The following SLC24A3 variants were observed in gnomAD, a reference collection of about 807,000 sequenced individuals.
SLC24A3 encodes sodium/potassium/calcium exchanger 3.
SLC24A3 carries 28 observed loss-of-function variants against 75.8 expected under a neutral mutation model. The ratio of observed to expected loss-of-function variants is 0.37; its 90% CI spans 0.27 to 0.51. SLC24A3 has a LOEUF of 0.51. Ranked by LOEUF, SLC24A3 falls within the 20% of genes least tolerant of loss-of-function variation. The pLI, the probability that SLC24A3 is intolerant of heterozygous loss-of-function variation, is 0.94. For missense variants in SLC24A3, 663 were observed against 847.8 expected (o/e 0.78, Z 2.71); for synonymous variants, 372 against 334.1 (o/e 1.11, Z -1.24).
intron 6 of SLC24A3, among the ~76,000 whole-genome samples, chr20:19,637,549 C>A (rs1260259975): frequency 6.6e-6 from 1 of 152,148 alleles, no homozygotes; most frequent in African/African-American, 2.4e-5. Context: ...ATGTTCCTAG[C>A]ACACTATTTG....
At chr20:19,308,752 G>T (rs999347594) in intron 2 of SLC24A3, among the ~76,000 whole-genome samples, 2 of 152,212 alleles carry the variant, frequency 1.3e-5, no homozygotes, top group Non-Finnish European at 2.9e-5. Flanking sequence ...TATGACTTAA[G>T]TACCTCATTT....
intron 2 of SLC24A3, among the ~76,000 whole-genome samples, chr20:19,510,237 G>A (rs1001373078): frequency 3.3e-5 from 5 of 152,104 alleles, no homozygotes; most frequent in African/African-American, 4.8e-5. Context: ...GGTGGAACAG[G>A]ATATGTAATA....
At chr20:19,235,929 C>T (rs1283717084) in intron 1 of SLC24A3, among the ~76,000 whole-genome samples, 1 of 152,216 alleles carries the variant, frequency 6.6e-6, no homozygotes, top group Non-Finnish European at 1.5e-5. Context: ...ATGCATTTAA[C>T]AGCATGAACG....
At chr20:19,386,996 T>G (rs1346354382) in intron 2 of SLC24A3, among the ~76,000 whole-genome samples, 1 of 152,166 alleles carries the variant, frequency 6.6e-6, no homozygotes, top group Non-Finnish European at 1.5e-5. Flanking sequence ...TATTGGGAAT[T>G]TTTTGATTAC....
chr20:19,667,095 T>C (rs879500756), intron 8 of SLC24A3, among the ~76,000 whole-genome samples: 3 of 152,188 alleles, frequency 2.0e-5, no homozygotes, highest in Non-Finnish European at 4.4e-5. Flanking sequence ...GCTAACTCTT[T>C]GTTGGTGTGG....
intron 6 of SLC24A3, among the ~76,000 whole-genome samples, chr20:19,592,305 T>C (rs2122645152): frequency 6.6e-6 from 1 of 152,340 alleles, no homozygotes; most frequent in Admixed American, 6.5e-5. Context: ...AGGGGTTTTG[T>C]CCTCTTCTTA....
intron 2 of SLC24A3, among the ~76,000 whole-genome samples, chr20:19,364,581 A>C (rs531087231): frequency 6.6e-6 from 1 of 152,230 alleles, no homozygotes; most frequent in South Asian, 2.1e-4. Flanking sequence ...CAGCCTCCCG[A>C]GTAGCTAGGA....
chr20:19,444,832 AT>A (rs906955668), intron 2 of SLC24A3, among the ~76,000 whole-genome samples: 7 of 146,838 alleles, frequency 4.8e-5, no homozygotes, highest in African/African-American at 1.5e-4. Context: ...TCTAATTTTT[AT>A]TTTTTTTCTT....
At chr20:19,276,922 CTT>C (rs1287144316) in intron 1 of SLC24A3, among the ~76,000 whole-genome samples, 1 of 152,036 alleles carries the variant, frequency 6.6e-6, no homozygotes, top group East Asian at 1.9e-4. Context: ...ATTGACCACT[CTT>C]ATATATGCCC....
At chr20:19,575,901 A>G (rs2031127924) in intron 3 of SLC24A3, among the ~76,000 whole-genome samples, 1 of 152,252 alleles carries the variant, frequency 6.6e-6, no homozygotes, top group Admixed American at 6.5e-5. Flanking sequence ...TCACTAGTAG[A>G]TGAGCTGAAC....
intron 1 of SLC24A3, chr20:19,243,814 G>C (rs971352322): frequency 6.6e-6 from 1 of 152,056 alleles, no homozygotes; most frequent in Non-Finnish European, 1.5e-5. Flanking sequence ...CAGGCACCAC[G>C]CTCCTCTCTC....
intron 2 of SLC24A3, among the ~76,000 whole-genome samples, chr20:19,503,029 A>G (rs1304463433): frequency 5.5e-5 from 4 of 73,072 alleles, no homozygotes; most frequent in East Asian, 5.0e-4. Context: ...CTTGTCTCAG[A>G]AAAAAAAAAA....
chr20:19,403,755 G>A (rs1282523796), intron 2 of SLC24A3, among the ~76,000 whole-genome samples: 1 of 152,160 alleles, frequency 6.6e-6, no homozygotes, highest in African/African-American at 2.4e-5. Flanking sequence ...ACTGGCCCTG[G>A]GGAAGGGAGG....
At chr20:19,580,123 C>G (rs948739810) in intron 4 of SLC24A3, 49 bp downstream of exon 4, 2 of 1,515,062 alleles carry the variant, frequency 1.3e-6, no homozygotes, top group Non-Finnish European at 1.8e-6. Context: ...GGGGACTGGA[C>G]CTGTGCCCTG....
At chr20:19,528,538 A>C (rs575448518) in intron 3 of SLC24A3, among the ~76,000 whole-genome samples, 5 of 152,162 alleles carry the variant, frequency 3.3e-5, no homozygotes, top group Non-Finnish European at 7.3e-5. Context: ...CGTGGCCCTC[A>C]CTATTGCGAC....
chr20:19,368,702 A>G (rs1260730394), intron 2 of SLC24A3, among the ~76,000 whole-genome samples: 1 of 152,194 alleles, frequency 6.6e-6, no homozygotes, highest in Non-Finnish European at 1.5e-5. Flanking sequence ...AATACCCAGC[A>G]GTGTAGCCAA....
chr20:19,233,847 C>T (rs1169870231), intron 1 of SLC24A3, among the ~76,000 whole-genome samples: 1 of 152,188 alleles, frequency 6.6e-6, no homozygotes, highest in African/African-American at 2.4e-5. Context: ...TAACTTTCTG[C>T]ATGTTCTCTT....
At chr20:19,469,885 G>A (rs1050464248) in intron 2 of SLC24A3, among the ~76,000 whole-genome samples, 2 of 152,110 alleles carry the variant, frequency 1.3e-5, no homozygotes, top group African/African-American at 2.4e-5. Flanking sequence ...TGCCAACCTC[G>A]ACTCTTCAAA....
intron 1 of SLC24A3, chr20:19,244,064 A>G (rs1334230518): frequency 6.6e-6 from 1 of 152,186 alleles, no homozygotes; most frequent in East Asian, 1.9e-4. Context: ...CAATTGTTTG[A>G]CAATTACCAA....
Sources: allele counts gnomAD v4.1 joint callset (sites outside exome capture counted in the v4.1 genomes callset), GRCh38; gene constraint gnomAD v4.1.1; transcripts MANE v1.5; gene names NCBI Gene and HGNC (gene_info 2026-07-23, HGNC 2026-07-21).